Variants in ADARB2 observed in about 807,000 individuals in gnomAD.
The protein encoded by ADARB2 is adenosine deaminase RNA specific B2 (inactive), also known as inactive double-stranded RNA-specific editase B2.
Under a neutral mutation model 62.2 loss-of-function variants are expected in ADARB2, and 25 were observed. The observed-to-expected ratio is 0.40, with a 90% confidence interval of 0.29 to 0.56. The LOEUF (loss-of-function observed/expected upper bound fraction) is 0.56, where lower values mean the gene tolerates loss of function less well. ADARB2 is among the 20% of genes least tolerant of loss of function. The pLI is 0.43. For missense variants in ADARB2, 1,071 were observed against 1,077.4 expected, an observed-to-expected ratio of 0.99 and a Z score of 0.08; for synonymous variants, 572 against 500.8, an observed-to-expected ratio of 1.14 and a Z score of -1.90.
In ADARB2 at chr10:1,415,349, G is replaced by A. The variant is rs1464571970; in HGVS notation, c.101-36189C>T. Among the ~76,000 whole-genome samples, 3 of 152,066 alleles carry A rather than the reference G, an allele frequency of 2.0e-5. No individual in the cohort carries two copies. The South Asian group carries it at 6.2e-4, about 32-fold the overall frequency. On this transcript the variant is annotated intron_variant, in intron 1 of 9. Transcript: ENST00000381312. ...GGATGGATGGATGGATGGTGGGATGGATGGGTGGATCATGGATAGATGGGT... is the reference window on the plus strand; with the variant it reads ...GGATGGATGGATGGATGGTGGGATGAATGGGTGGATCATGGATAGATGGGT...
At chr10:1,717,708 G>C (rs887284548) in intron 1 of ADARB2, among the ~76,000 whole-genome samples, 2 of 151,966 alleles carry the variant, frequency 1.3e-5, no homozygotes, top group African/African-American at 4.8e-5. Flanking sequence ...CTCCCGAGTA[G>C]CTGGGACTAC....
chr10:1,541,769 G>T (rs371735660), intron 1 of ADARB2, among the ~76,000 whole-genome samples: 4 of 42,894 alleles, frequency 9.3e-5, no homozygotes, highest in African/African-American at 4.1e-4. Context: ...CCACTCAGAC[G>T]CAGTTCGGAC....
chr10:1,551,059 C>T (rs938677602), intron 1 of ADARB2, among the ~76,000 whole-genome samples: 3 of 152,184 alleles, frequency 2.0e-5, no homozygotes, highest in Non-Finnish European at 2.9e-5. Context: ...GGTGTCCTTA[C>T]AGAGCTGATG....
intron 9 of ADARB2, 23 bp downstream of exon 9, chr10:1,184,838 C>T (rs1215889444): frequency 1.2e-6 from 2 of 1,604,672 alleles, no homozygotes; most frequent in East Asian, 2.2e-5. Flanking sequence ...TCCAGTTTCC[C>T]TGCAAGGATG....
At chr10:1,295,521 G>T (rs1428547999) in intron 3 of ADARB2, among the ~76,000 whole-genome samples, 1 of 152,126 alleles carries the variant, frequency 6.6e-6, no homozygotes, top group Non-Finnish European at 1.5e-5. Context: ...CAACGGACAG[G>T]GAGGACAAGA....
At chr10:1,470,888 G>A (rs1412085959) in intron 1 of ADARB2, among the ~76,000 whole-genome samples, 2 of 152,070 alleles carry the variant, frequency 1.3e-5, no homozygotes, top group African/African-American at 4.8e-5. Flanking sequence ...GTGAAACCCC[G>A]TCTCTACTAA....
rs780484235 is a variant in ADARB2 at position 1,242,331 on chromosome 10, G to A, written c.1193-32C>T. On this transcript the variant is annotated intron_variant, in intron 4 of 9. Transcript: ENST00000381312. The stretch of plus-strand genomic sequence containing the variant: ...ACACAGATAGCATCAGAGCAGCGTG[G>A]CCCACGGCCCCCGTCTCCCTCCTCC... The A allele has an allele frequency of 3.1e-5, 47 of 1,513,336 alleles. No homozygotes were observed. In the African/African-American group the frequency reaches 4.0e-4, roughly 13 times the overall value. The allele number at this position is 1,513,336 out of a possible 1,614,324, so 93.7% of individuals were successfully genotyped here.
chr10:1,322,115 A>G (rs1390162246), intron 3 of ADARB2, among the ~76,000 whole-genome samples: 1 of 152,140 alleles, frequency 6.6e-6, no homozygotes, highest in Non-Finnish European at 1.5e-5. Flanking sequence ...GGGCAGAGAA[A>G]CTGCAGGATT....
chr10:1,561,980 C>A (rs1430979273), intron 1 of ADARB2, among the ~76,000 whole-genome samples: 3 of 152,240 alleles, frequency 2.0e-5, no homozygotes, highest in African/African-American at 7.2e-5. Flanking sequence ...CTTCTGTGAA[C>A]TGCAGTCACC....
At chr10:1,579,993 C>T (rs547570944) in intron 1 of ADARB2, among the ~76,000 whole-genome samples, 20 of 152,258 alleles carry the variant, frequency 1.3e-4, no homozygotes, top group African/African-American at 3.4e-4. Context: ...TCCCTGTTCA[C>T]GAAAACAGTC....
chr10:1,213,343 A>G (rs1837186659), intron 7 of ADARB2, among the ~76,000 whole-genome samples: 1 of 152,130 alleles, frequency 6.6e-6, no homozygotes, highest in African/African-American at 2.4e-5. Flanking sequence ...AGAGGCCGAG[A>G]GCGAGAGGAG....
chr10:1,581,269 G>A (rs970872056), intron 1 of ADARB2, among the ~76,000 whole-genome samples: 2 of 152,234 alleles, frequency 1.3e-5, no homozygotes, highest in African/African-American at 4.8e-5. Flanking sequence ...CCCATCAGAC[G>A]TTCCGCTCGT....
chr10:1,284,416 T>G (rs1311308270), intron 3 of ADARB2, among the ~76,000 whole-genome samples: 1 of 152,162 alleles, frequency 6.6e-6, no homozygotes, highest in Admixed American at 6.5e-5. Flanking sequence ...GAGGATGCTC[T>G]CAGGGCTAGG....
At chr10:1,445,407 ATCCATCCATCCT>A (rs1279358388) in intron 1 of ADARB2, among the ~76,000 whole-genome samples, 3 of 143,350 alleles carry the variant, frequency 2.1e-5, no homozygotes, top group African/African-American at 7.9e-5. Context: ...ATCCATCTAC[ATCCATCCATCCT>A]TCCATCTATC....
intron 1 of ADARB2, among the ~76,000 whole-genome samples, chr10:1,617,665 C>G (rs111664237): frequency 1.5e-5 from 2 of 136,956 alleles, no homozygotes; most frequent in African/African-American, 5.4e-5. Context: ...TTTGTGTGCC[C>G]GTCCAGACAC....
intron 1 of ADARB2, among the ~76,000 whole-genome samples, chr10:1,566,003 G>A (rs1022409528): frequency 2.1e-5 from 3 of 141,996 alleles, no homozygotes; most frequent in Non-Finnish European, 4.5e-5. Context: ...GAAGGACAGA[G>A]TTAAAAGATC....
intron 6 of ADARB2, among the ~76,000 whole-genome samples, chr10:1,220,495 C>CT (rs1830685140): frequency 6.6e-6 from 1 of 151,996 alleles, no homozygotes; most frequent in Admixed American, 6.6e-5. Context: ...TTTAAACTGA[C>CT]TTTTTGCAGG....
intron 1 of ADARB2, among the ~76,000 whole-genome samples, chr10:1,712,044 A>G (rs980349718): frequency 3.9e-5 from 6 of 152,220 alleles, no homozygotes; most frequent in Non-Finnish European, 7.3e-5. Flanking sequence ...AATTTTAGTT[A>G]CTCAAAATAC....
chr10:1,321,397 T>G (rs1170333265), intron 3 of ADARB2, among the ~76,000 whole-genome samples: 1 of 152,156 alleles, frequency 6.6e-6, no homozygotes, highest in Non-Finnish European at 1.5e-5. Flanking sequence ...ATTTTAATTT[T>G]TTAGAGACAG....
Sources: gnomAD v4.1 joint callset for allele counts (sites outside exome capture counted in the v4.1 genomes callset) on GRCh38, gnomAD v4.1.1 for gene constraint, MANE v1.5 for transcripts, NCBI Gene and HGNC (gene_info 2026-07-23, HGNC 2026-07-21) for gene names.